PDE4D: variants seen among roughly 807,000 people sequenced by gnomAD.
PDE4D encodes phosphodiesterase 4D.
In PDE4D, 24 loss-of-function variants were observed where a neutral mutation model predicts 87.4. The ratio of observed to expected loss-of-function variants is 0.27; its 90% CI spans 0.20 to 0.39. The LOEUF (loss-of-function observed/expected upper bound fraction) is 0.39. Ranked by LOEUF, PDE4D falls within the 10% of genes least tolerant of loss-of-function variation. The pLI is 1.00. For synonymous variants in PDE4D, 384 were observed against 383.2 expected (o/e 1.00, Z -0.02); for missense variants, 714 against 1,041.0 (o/e 0.69, Z 4.32).
intron 1 of PDE4D, among the ~76,000 whole-genome samples, chr5:59,251,020 A>C (rs1291748414): frequency 6.6e-6 from 1 of 152,152 alleles, no homozygotes; most frequent in Admixed American, 6.6e-5. Context: ...CATACACACA[A>C]AAAAATTCAA....
intron 1 of PDE4D, among the ~76,000 whole-genome samples, chr5:60,505,599 T>C (rs922229334): frequency 6.6e-6 from 1 of 152,184 alleles, no homozygotes; most frequent in East Asian, 1.9e-4. Flanking sequence ...GCAGGCAAAT[T>C]TACAAGGCTC....
intron 1 of PDE4D, among the ~76,000 whole-genome samples, chr5:60,440,538 C>A (rs1044888715): frequency 2.0e-5 from 3 of 151,942 alleles, no homozygotes; most frequent in African/African-American, 7.3e-5. Context: ...ATTTGAGGTT[C>A]ATTTGAAGAA....
chr5:58,999,735 G>A, intron 6 of PDE4D: 1 of 1,054,130 alleles, frequency 9.5e-7, no homozygotes, highest in Non-Finnish European at 1.1e-6. Context: ...TCGAATACAT[G>A]CCATTTGTAA....
intron 1 of PDE4D, among the ~76,000 whole-genome samples, chr5:59,244,680 C>CTG (rs369829189): frequency 0.14 from 17,328 of 119,736 alleles, 1,310 homozygotes; most frequent in East Asian, 0.4. Flanking sequence ...GTGTGTGTGT[C>CTG]TGTGTGTGTG....
chr5:60,007,873 G>A (rs554739425), intron 2 of PDE4D, among the ~76,000 whole-genome samples: 1 of 152,036 alleles, frequency 6.6e-6, no homozygotes, highest in South Asian at 2.1e-4. Flanking sequence ...AAACAAAATT[G>A]ACAAAGATCT....
chr5:60,431,250 G>T, intron 1 of PDE4D: 1 of 197,052 alleles, frequency 5.1e-6, no homozygotes, highest in South Asian at 7.4e-5. Context: ...GTGGCTGCCA[G>T]GCGGAGGGGC....
chr5:60,128,136 T>A (rs1779268952), intron 2 of PDE4D, among the ~76,000 whole-genome samples: 1 of 152,176 alleles, frequency 6.6e-6, no homozygotes, highest in African/African-American at 2.4e-5. Flanking sequence ...ATTAAACTCC[T>A]GAGATTGGGA....
chr5:60,392,969 A>G (rs1762651147), intron 1 of PDE4D, among the ~76,000 whole-genome samples: 1 of 152,206 alleles, frequency 6.6e-6, no homozygotes, highest in African/African-American at 2.4e-5. Flanking sequence ...TTCTTCCCCT[A>G]AGGAAGGTGT....
At chr5:59,855,790 T>C (rs1051929224) in intron 1 of PDE4D, among the ~76,000 whole-genome samples, 1 of 152,148 alleles carries the variant, frequency 6.6e-6, no homozygotes, top group Non-Finnish European at 1.5e-5. Context: ...TTCACACAAA[T>C]ACATATTTTT....
chr5:60,360,398 G>A (rs1433608882), intron 1 of PDE4D, among the ~76,000 whole-genome samples: 10 of 152,138 alleles, frequency 6.6e-5, no homozygotes, highest in Admixed American at 6.5e-4. Flanking sequence ...AAATGCAATT[G>A]CTTTTGAAAA....
At chr5:60,153,860 G>A (rs1487242460) in intron 2 of PDE4D, among the ~76,000 whole-genome samples, 1 of 152,122 alleles carries the variant, frequency 6.6e-6, no homozygotes, top group African/African-American at 2.4e-5. Flanking sequence ...GGTCTGAGGA[G>A]GGGGAAATGA....
intron 1 of PDE4D, among the ~76,000 whole-genome samples, chr5:60,263,685 C>G (rs1221994337): frequency 6.6e-6 from 1 of 152,148 alleles, no homozygotes; most frequent in Non-Finnish European, 1.5e-5. Context: ...TATTTTGTCT[C>G]CTATGAACAA....
chr5:59,012,928 T>G (rs1309003757), intron 6 of PDE4D, among the ~76,000 whole-genome samples: 1 of 152,130 alleles, frequency 6.6e-6, no homozygotes, highest in Admixed American at 6.6e-5. Context: ...GCAAATGTAA[T>G]AGAACAGAAA....
Position 59,248,041 on chromosome 5 carries a change from G to GCAAAAAAAA in PDE4D, c.456-32074_456-32073insTTTTTTTTG, listed in dbSNP as rs1561805685. 4.2e-5 allele frequency among the ~76,000 whole-genome samples: 2 copies of GCAAAAAAAA among 47,854 alleles called. 1 individual carries two copies. Among genetic ancestry groups the GCAAAAAAAA allele is most frequent in the Non-Finnish European group, 8.1e-5 (2 of 24,826 alleles). 31.4% of individuals were successfully genotyped at this position (47,854 alleles called of 152,430 possible). On this transcript the variant is annotated intron_variant, in intron 1 of 14. Transcript: ENST00000340635. ...ATTTTATTGGATACCGTATCTATTAGTAAAAAAAAAAAAAAAAAAAAAAAA... is the reference window on the plus strand; with the variant it reads ...ATTTTATTGGATACCGTATCTATTAGCAAAAAAAATAAAAAAAAAAAAAAAAAAAAAAAA...
chr5:60,384,891 A>T (rs1762098397), intron 1 of PDE4D, among the ~76,000 whole-genome samples: 1 of 152,192 alleles, frequency 6.6e-6, no homozygotes, highest in Non-Finnish European at 1.5e-5. Context: ...TTCACCAAAA[A>T]TCCTATTCCT....
At chr5:59,456,437 C>A (rs1282075318) in intron 1 of PDE4D, among the ~76,000 whole-genome samples, 9 of 152,144 alleles carry the variant, frequency 5.9e-5, no homozygotes, top group African/African-American at 2.2e-4. Flanking sequence ...TGAGTCCTTC[C>A]TAGCCATGTG....
chr5:59,794,906 G>A (rs1766284547), intron 1 of PDE4D, among the ~76,000 whole-genome samples: 1 of 152,132 alleles, frequency 6.6e-6, no homozygotes, highest in Non-Finnish European at 1.5e-5. Flanking sequence ...TCCAGCCTGG[G>A]ACACAGCTCA....
At chr5:59,554,324 TAAAG>T (rs1818564517) in intron 1 of PDE4D, among the ~76,000 whole-genome samples, 1 of 152,150 alleles carries the variant, frequency 6.6e-6, no homozygotes, top group Non-Finnish European at 1.5e-5. Context: ...AACCACTTTA[TAAAG>T]TAAGTATCAT....
chr5:59,483,030 TA>T (rs1481591384), intron 1 of PDE4D, among the ~76,000 whole-genome samples: 2 of 152,280 alleles, frequency 1.3e-5, no homozygotes, highest in Non-Finnish European at 1.5e-5. Context: ...AAGGCCTGCA[TA>T]GAACATAAAG....
Sources: gnomAD v4.1 joint callset for allele counts (sites outside exome capture counted in the v4.1 genomes callset) on GRCh38, gnomAD v4.1.1 for gene constraint, MANE v1.5 for transcripts, NCBI Gene and HGNC (gene_info 2026-07-23, HGNC 2026-07-21) for gene names.